Variants in TCEA3 observed in about 807,000 individuals in gnomAD.
TCEA3 encodes the protein transcription elongation factor A protein 3.
A neutral mutation model predicts 44.0 loss-of-function variants in TCEA3; 36 were observed. The observed-to-expected ratio is 0.82, with a 90% CI of 0.63 to 1.08. The LOEUF (loss-of-function observed/expected upper bound fraction) is 1.08, where lower values mean the gene tolerates loss of function less well. Ranked by LOEUF, TCEA3 falls within the 50% of genes least tolerant of loss-of-function variation. The probability of loss-of-function intolerance (pLI) is 0.00; values close to 1 mark genes in which losing one functional copy is unlikely to be tolerated. For missense variants in TCEA3, 392 were observed against 441.2 expected, an observed-to-expected ratio of 0.89 and a Z score of 1.00; for synonymous variants, 162 against 159.7, an observed-to-expected ratio of 1.01 and a Z score of -0.11.
chr1:23,408,765 C>T (rs1639627415), intron 4 of TCEA3, 39 bp from the exon 5 acceptor site: 3 of 1,550,672 alleles, frequency 1.9e-6, no homozygotes, highest in Non-Finnish European at 2.6e-6. Flanking sequence ...GCTTTGTAGA[C>T]TAGCATCAGT....
intron 4 of TCEA3, 25 bp from the exon 5 acceptor site, chr1:23,408,751 G>C (rs1391477936): frequency 1.9e-6 from 3 of 1,576,598 alleles, no homozygotes; most frequent in African/African-American, 1.3e-5. Context: ...TTGGCAAGGA[G>C]ACTGCTTTGT....
intron 2 of TCEA3, 79 bp from the exon 3 acceptor site, chr1:23,418,088 A>AAT: frequency 7.1e-7 from 1 of 1,404,194 alleles, no homozygotes; most frequent in Non-Finnish European, 1.0e-6. Context: ...ATCCTGCCCC[A>AAT]GCTCTACCAC....
chr1:23,385,764 C>T (rs78594266), intron 9 of TCEA3, among the ~76,000 whole-genome samples: 1,882 of 152,356 alleles, frequency 0.012, 39 homozygotes, highest in African/African-American at 0.042. Flanking sequence ...ACAGCCTTCC[C>T]AAGTTCCCCA....
intron 5 of TCEA3, among the ~76,000 whole-genome samples, chr1:23,406,277 A>G (rs1639543193): frequency 6.6e-6 from 1 of 152,132 alleles, no homozygotes; most frequent in Admixed American, 6.5e-5. Context: ...TAAACAACCT[A>G]ATTTTTGTGT....
intron 2 of TCEA3, 137 bp from the exon 3 acceptor site, chr1:23,418,146 G>C (rs1639948019): frequency 1.2e-6 from 1 of 813,356 alleles, no homozygotes; most frequent in Non-Finnish European, 2.0e-6. Flanking sequence ...CCTGACTCCT[G>C]GCTGAGGTCA....
intron 4 of TCEA3, among the ~76,000 whole-genome samples, chr1:23,415,862 C>G (rs1639873260): frequency 6.6e-6 from 1 of 152,124 alleles, no homozygotes; most frequent in Non-Finnish European, 1.5e-5. Flanking sequence ...TTTTAAAAAG[C>G]AGGCTATTAA....
At chr1:23,383,909 T>C (rs1638745202) in intron 10 of TCEA3, 2 of 1,006,932 alleles carry the variant, frequency 2.0e-6, no homozygotes, top group African/African-American at 1.7e-5. Context: ...GGCATTTAGG[T>C]TCAACTCCTT....
chr1:23,421,855 A>C lies in TCEA3; in HGVS notation c.69+2710T>G, dbSNP rs148631892. ...GTTGCAAAATTCCTGAAAACGCAAC[A>C]ATCTGTGTTAAGCCAGTTCCAGCTC... On this transcript the variant is annotated intron_variant, in intron 1 of 10. Transcript: ENST00000450454. Among the ~76,000 whole-genome samples the C allele has an allele frequency of 1.6e-3, 244 of 152,358 alleles. 1 individual carries two copies. The highest frequency in any genetic ancestry group is 5.5e-3 in the African/African-American group (230 of 41,590).
chr1:23,384,662 CTTT>C (rs11341961), intron 9 of TCEA3, among the ~76,000 whole-genome samples: 2 of 116,468 alleles, frequency 1.7e-5, no homozygotes. Flanking sequence ...TGCACTTCCG[CTTT>C]TTTTTTTTTT....
At chr1:23,390,612 G>GA (rs1467279371) in intron 8 of TCEA3, among the ~76,000 whole-genome samples, 1 of 152,176 alleles carries the variant, frequency 6.6e-6, no homozygotes, top group Non-Finnish European at 1.5e-5. Flanking sequence ...ATTGTGGAAG[G>GA]AAGGTCTTGT....
intron 7 of TCEA3, among the ~76,000 whole-genome samples, chr1:23,394,757 T>C (rs1639167578): frequency 6.6e-6 from 1 of 152,118 alleles, no homozygotes; most frequent in African/African-American, 2.4e-5. Context: ...TTAGAAAGGG[T>C]GTAGGACCTT....
chr1:23,386,035 T>A (rs649458), intron 9 of TCEA3, among the ~76,000 whole-genome samples: 117,060 of 151,948 alleles, frequency 0.77, 46,167 homozygotes, highest in Non-Finnish European at 0.86. Flanking sequence ...CCGCCATGAG[T>A]CTGATTCTTC....
At chr1:23,385,270 T>C (rs1638799807) in intron 9 of TCEA3, among the ~76,000 whole-genome samples, 1 of 152,184 alleles carries the variant, frequency 6.6e-6, no homozygotes, top group South Asian at 2.1e-4. Flanking sequence ...TGGGAATCTG[T>C]GGTGTGGGAC....
intron 7 of TCEA3, 49 bp downstream of exon 7, chr1:23,397,496 G>A (rs770043340): frequency 3.2e-6 from 5 of 1,571,276 alleles, no homozygotes; most frequent in Non-Finnish European, 4.4e-6. Flanking sequence ...TTGGATGGGT[G>A]CTGCTAGACG....
intron 10 of TCEA3, chr1:23,383,861 A>T (rs1453923570): frequency 4.0e-5 from 40 of 989,264 alleles, no homozygotes; most frequent in Non-Finnish European, 4.8e-5. Context: ...CTTGGGTAAG[A>T]CTTTCAGAGC....
intron 10 of TCEA3, among the ~76,000 whole-genome samples, chr1:23,383,012 G>T (rs1246692213): frequency 6.6e-6 from 1 of 152,250 alleles, no homozygotes; most frequent in African/African-American, 2.4e-5. Context: ...GGGCGCGGCG[G>T]CTCACGCCTG....
intron 8 of TCEA3, among the ~76,000 whole-genome samples, chr1:23,387,816 C>T (rs1291530837): frequency 6.6e-6 from 1 of 152,190 alleles, no homozygotes; most frequent in Admixed American, 6.5e-5. Context: ...CCTCTCTAGA[C>T]TTGACCCAGT....
rs192114680 is a variant in TCEA3, at chr1:23,404,891, A to G, written c.443+3773T>C. ...TGGAGCAGGAGGATTGCTTGAGCCC[A>G]GGAGGTTGAGGCTGCAGTGAGCCCT... On this transcript the variant is annotated intron_variant, in intron 5 of 10. Transcript: ENST00000450454. Among the ~76,000 whole-genome samples, 19 of 152,186 alleles carry G rather than the reference A, an allele frequency of 1.2e-4. 1 individual carries two copies. In the East Asian group the frequency reaches 3.5e-3, roughly 28 times the overall value.
At chr1:23,387,208 T>C (rs531239939) in intron 9 of TCEA3, 65 bp downstream of exon 9, 10 of 1,574,000 alleles carry the variant, frequency 6.4e-6, no homozygotes, top group East Asian at 2.3e-5. Context: ...AGCTTCTCTC[T>C]GATTTTCCAC....
Sources: allele counts gnomAD v4.1 joint callset (sites outside exome capture counted in the v4.1 genomes callset), GRCh38; gene constraint gnomAD v4.1.1; transcripts MANE v1.5; gene names NCBI Gene and HGNC (gene_info 2026-07-23, HGNC 2026-07-21).